Variants in DNAAF11 observed in about 807,000 individuals in gnomAD.
DNAAF11 encodes the protein dynein axonemal assembly factor 11, also known as leucine rich repeat containing 6.
DNAAF11 carries 45 observed loss-of-function variants against 60.8 expected under a neutral mutation model. The ratio of observed to expected loss-of-function variants is 0.74; its 90% CI spans 0.58 to 0.95. DNAAF11 has a LOEUF of 0.95. Among genes scored for constraint, DNAAF11 ranks in the 40% least tolerant of loss-of-function variants. The pLI is 0.00. For missense variants in DNAAF11, 546 were observed against 546.2 expected, an observed-to-expected ratio of 1.00 and a Z score of 0.00; for synonymous variants, 191 against 183.5, an observed-to-expected ratio of 1.04 and a Z score of -0.33.
chr8:132,680,335 A>G (rs918842355), upstream of DNAAF11, among the ~76,000 whole-genome samples: 1 of 152,158 alleles, frequency 6.6e-6, no homozygotes, highest in Non-Finnish European at 1.5e-5. Context: ...CAGGTGTGAC[A>G]TTTTGTGTAT....
chr8:132,608,003 A>G lies in DNAAF11; in HGVS notation c.1140+2163T>C, dbSNP rs565663598. On this transcript the variant is annotated intron_variant, in intron 10 of 11. Transcript: ENST00000620350. ...TAATACAGAATAGCTCCATGGGTTAAACTTTGGTACTTAAAATGTTTCAAT... is the reference window on the plus strand; with the variant it reads ...TAATACAGAATAGCTCCATGGGTTAGACTTTGGTACTTAAAATGTTTCAAT... Among the ~76,000 whole-genome samples, 185 of 152,328 alleles carry G rather than the reference A, an allele frequency of 1.2e-3. No homozygotes were observed. In the Middle Eastern group the frequency reaches 0.014, roughly 11 times the overall value.
At chr8:132,584,733 C>G (rs1316818109) in intron 10 of DNAAF11, among the ~76,000 whole-genome samples, 3 of 152,058 alleles carry the variant, frequency 2.0e-5, no homozygotes, top group Admixed American at 2.0e-4. Context: ...TGGGCAGGGT[C>G]ATTATCTCAA....
intron 3 of DNAAF11, among the ~76,000 whole-genome samples, chr8:132,638,350 C>T (rs756368216): frequency 2.6e-5 from 4 of 152,172 alleles, no homozygotes; most frequent in African/African-American, 7.2e-5. Context: ...GGGGAAATCA[C>T]TTTCCCTGCT....
chr8:132,626,549 ATATT>A (rs1367607487), intron 5 of DNAAF11, among the ~76,000 whole-genome samples: 2 of 152,210 alleles, frequency 1.3e-5, no homozygotes, highest in East Asian at 1.9e-4. Context: ...GATCCAAAAT[ATATT>A]TATTTATTAA....
At chr8:132,665,760 G>T (rs1824566004) in intron 1 of DNAAF11, among the ~76,000 whole-genome samples, 1 of 152,126 alleles carries the variant, frequency 6.6e-6, no homozygotes, top group Non-Finnish European at 1.5e-5. Context: ...TCTACCCAAA[G>T]GAAAATAAAT....
chr8:132,656,154 C>T (rs904409342), intron 3 of DNAAF11, among the ~76,000 whole-genome samples: 4 of 152,134 alleles, frequency 2.6e-5, no homozygotes, highest in Non-Finnish European at 5.9e-5. Context: ...GATTCCGGTA[C>T]GTAGCCCCAC....
chr8:132,663,508 A>T (rs1824333068), intron 1 of DNAAF11, among the ~76,000 whole-genome samples: 1 of 152,210 alleles, frequency 6.6e-6, no homozygotes, highest in African/African-American at 2.4e-5. Flanking sequence ...AGATTGCACA[A>T]CCTTGTTATC....
intron 3 of DNAAF11, 128 bp downstream of exon 3, chr8:132,656,702 C>T (rs987124319): frequency 7.8e-6 from 4 of 514,288 alleles, no homozygotes; most frequent in South Asian, 1.9e-5. Context: ...GAACTCCTGA[C>T]CTCAGGTGAT....
At chr8:132,592,429 G>A (rs1012067545) in intron 10 of DNAAF11, among the ~76,000 whole-genome samples, 1 of 152,210 alleles carries the variant, frequency 6.6e-6, no homozygotes, top group African/African-American at 2.4e-5. Flanking sequence ...AGAATAGCAA[G>A]TTCCTGGAAC....
intron 7 of DNAAF11, among the ~76,000 whole-genome samples, chr8:132,620,276 T>C (rs971758217): frequency 1.3e-5 from 2 of 151,958 alleles, no homozygotes; most frequent in Non-Finnish European, 2.9e-5. Flanking sequence ...GAGGTGAGGA[T>C]GATGGAAAGA....
At chr8:132,595,347 GGAAAAAAAAAAAAAAAAAA>G (rs1430412402) in intron 10 of DNAAF11, among the ~76,000 whole-genome samples, 1 of 40,680 alleles carries the variant, frequency 2.5e-5, no homozygotes, top group African/African-American at 8.0e-5. Context: ...GAGACAGAGG[GGAAAAAAAAAAAAAAAAAA>G]AAAAAAAAAA....
At chr8:132,610,887 T>TTTAG (rs1818595113) in intron 9 of DNAAF11, among the ~76,000 whole-genome samples, 2 of 134,570 alleles carry the variant, frequency 1.5e-5, no homozygotes, top group South Asian at 4.9e-4. Context: ...TTTATTTTTG[T>TTTAG]TTATTTATTT....
intron 4 of DNAAF11, among the ~76,000 whole-genome samples, chr8:132,633,651 T>C (rs1285800450): frequency 6.6e-6 from 1 of 152,192 alleles, no homozygotes; most frequent in African/African-American, 2.4e-5. Context: ...TTACCTTACA[T>C]GGCAAAAGGG....
chr8:132,697,440 A>C, the DNAAF11 span, among the ~76,000 whole-genome samples: 1 of 152,148 alleles, frequency 6.6e-6, no homozygotes, highest in Non-Finnish European at 1.5e-5. Context: ...CAAGATGGCA[A>C]AACCCCATCT....
Position 132,675,378 on chromosome 8 carries a change from GGGGAACCGACA to G in DNAAF11, c.10+95_10+105del. 3.8e-6 allele frequency: 5 copies of G among 1,311,464 alleles called. No homozygotes were observed. The South Asian group carries it at 7.2e-5, about 19-fold the overall frequency. The allele number at this position is 1,311,464 out of a possible 1,614,324, so 81.2% of individuals were successfully genotyped here. ...TGGGGTTAGGGTCCGCCCAGGCGCG[GGGGAACCGACA>G]GCGCAGGGCGGGAGCGGGCGGCGAG... is the stretch of plus-strand genomic sequence containing the variant. On this transcript the variant is annotated intron_variant, in intron 1 of 11. Coordinates refer to ENST00000620350, the MANE Select transcript of DNAAF11 (RefSeq NM_012472.6).
chr8:132,599,642 T>C (rs1421008662), intron 10 of DNAAF11, among the ~76,000 whole-genome samples: 1 of 152,142 alleles, frequency 6.6e-6, no homozygotes. Flanking sequence ...ATAAATGTAA[T>C]CCAGCATATA....
At position 132,615,021 on chromosome 8, in the gene DNAAF11, G is replaced by A. The variant is rs748069129; in HGVS notation, c.974+17C>T. 67 of 1,515,382 alleles carry A rather than the reference G, an allele frequency of 4.4e-5. No individual in the cohort carries two copies. Among genetic ancestry groups the A allele is most frequent in the Middle Eastern group, 1.7e-4 (1 of 5,804 alleles). 93.9% of individuals were successfully genotyped at this position (1,515,382 alleles called of 1,614,324 possible). On this transcript the variant is annotated intron_variant, in intron 8 of 11. Coordinates refer to ENST00000620350, the MANE Select transcript of DNAAF11 (RefSeq NM_012472.6). Reference sequence around the variant, plus strand: ...AGACAGAAATGTCATAAATAAATACGTAGAAAATGTCTTTACCTATAGACA... The same window carrying A: ...AGACAGAAATGTCATAAATAAATACATAGAAAATGTCTTTACCTATAGACA...
chr8:132,687,008 A>G, the DNAAF11 span, among the ~76,000 whole-genome samples: 1 of 152,172 alleles, frequency 6.6e-6, no homozygotes, highest in African/African-American at 2.4e-5. Flanking sequence ...TGCTTTTTCC[A>G]TTTTCACTTC....
chr8:132,598,255 A>G (rs1418738083), intron 10 of DNAAF11, among the ~76,000 whole-genome samples: 2 of 152,202 alleles, frequency 1.3e-5, no homozygotes, highest in African/African-American at 4.8e-5. Flanking sequence ...TGGTGTGTCT[A>G]CTTATCACAT....
Sources: allele counts gnomAD v4.1 joint callset (sites outside exome capture counted in the v4.1 genomes callset), GRCh38; gene constraint gnomAD v4.1.1; transcripts MANE v1.5; gene names NCBI Gene and HGNC (gene_info 2026-07-23, HGNC 2026-07-21).